The following LRIG1 variants were observed in gnomAD, a reference collection of about 807,000 sequenced individuals.
LRIG1 encodes the protein leucine rich repeats and immunoglobulin like domains 1.
LRIG1 carries 48 observed loss-of-function variants against 99.2 expected under a neutral mutation model. The ratio of observed to expected loss-of-function variants is 0.48; its 90% confidence interval spans 0.38 to 0.62. The LOEUF is 0.62. LRIG1 is among the 20% of genes least tolerant of loss of function. The probability of loss-of-function intolerance (pLI) is 0.00; values close to 1 mark genes in which losing one functional copy is unlikely to be tolerated. For missense variants in LRIG1, 1,646 were observed against 1,434.4 expected, an observed-to-expected ratio of 1.15 and a Z score of -2.38; for synonymous variants, 772 against 596.1, an observed-to-expected ratio of 1.29 and a Z score of -4.30.
chr3:66,383,492 A>C, intron 14 of LRIG1, 91 bp from the exon 15 acceptor site: 3 of 1,101,074 alleles, frequency 2.7e-6, no homozygotes, highest in Non-Finnish European at 3.9e-6. Flanking sequence ...AATCCAACAT[A>C]TCAATGAGAT....
chr3:66,417,007 G>A (rs1427302149), intron 4 of LRIG1, 122 bp downstream of exon 4: 15 of 1,339,266 alleles, frequency 1.1e-5, no homozygotes, highest in Non-Finnish European at 1.0e-6. Flanking sequence ...CACTGACTCG[G>A]CCCAGCCGTG....
chr3:66,464,517 A>AAAAAAC (rs1553723864), intron 1 of LRIG1, among the ~76,000 whole-genome samples: 1 of 151,304 alleles, frequency 6.6e-6, no homozygotes, highest in Admixed American at 6.6e-5. Flanking sequence ...AAAAAAAAAA[A>AAAAAAC]AAAACTGAAA....
At chr3:66,382,869 G>A (rs1701163219) in intron 15 of LRIG1, 113 bp downstream of exon 15, 1 of 927,950 alleles carries the variant, frequency 1.1e-6, no homozygotes, top group Admixed American at 2.8e-5. Context: ...TAAACCCTCA[G>A]GAGTTCTGAA....
chr3:66,395,850 A>G (rs9832741), intron 11 of LRIG1, among the ~76,000 whole-genome samples: 2 of 152,234 alleles, frequency 1.3e-5, no homozygotes, highest in Non-Finnish European at 2.9e-5. Flanking sequence ...CGCTGTCAGA[A>G]GCACCTCCAG....
At chr3:66,493,147 T>G (rs1160167868) in intron 1 of LRIG1, among the ~76,000 whole-genome samples, 4 of 152,122 alleles carry the variant, frequency 2.6e-5, no homozygotes, top group African/African-American at 9.7e-5. Flanking sequence ...AGCCCTAAAG[T>G]CTGTAACTTA....
chr3:66,488,130 T>C (rs1369641637), intron 1 of LRIG1, among the ~76,000 whole-genome samples: 1 of 152,116 alleles, frequency 6.6e-6, no homozygotes, highest in Non-Finnish European at 1.5e-5. Context: ...AAATTCCACG[T>C]CGAAGAAAAG....
rs531803723 is a variant in LRIG1 at position 66,417,617 on chromosome 3, A to G, written c.366-351T>C. On this transcript the variant is annotated intron_variant, in intron 3 of 18. Coordinates refer to ENST00000273261, the MANE Select transcript of LRIG1 (RefSeq NM_015541.3). ...TGTGCCCTGTCCTGTGCAGCCAGAC[A>G]GCTCCAGTCCAACTCTCACCCATCA... 4 of 216,590 alleles carry G rather than the reference A, an allele frequency of 1.8e-5. No individual in the cohort carries two copies. In the East Asian group the frequency reaches 4.8e-4, roughly 26 times the overall value. 13.4% of individuals were successfully genotyped at this position (216,590 alleles called of 1,614,324 possible).
At chr3:66,437,237 C>T (rs375133022) in intron 3 of LRIG1, among the ~76,000 whole-genome samples, 14 of 152,330 alleles carry the variant, frequency 9.2e-5, no homozygotes, top group African/African-American at 2.4e-4. Flanking sequence ...CTCAAACAAG[C>T]GAGCAGAGAC....
At chr3:66,413,388 T>C (rs1702528949) in intron 5 of LRIG1, among the ~76,000 whole-genome samples, 1 of 152,254 alleles carries the variant, frequency 6.6e-6, no homozygotes, top group Non-Finnish European at 1.5e-5. Flanking sequence ...GAATGTCTTA[T>C]GTGAGGTATC....
intron 12 of LRIG1, among the ~76,000 whole-genome samples, chr3:66,390,064 T>C (rs906131696): frequency 1.3e-5 from 2 of 152,152 alleles, no homozygotes; most frequent in Admixed American, 1.3e-4. Context: ...TGTCTCATGA[T>C]TTCCCACCAA....
chr3:66,401,977 C>G (rs1041889616), intron 9 of LRIG1, among the ~76,000 whole-genome samples: 1 of 152,248 alleles, frequency 6.6e-6, no homozygotes, highest in Admixed American at 6.5e-5. Context: ...TGTGCACTAG[C>G]CCCCGCTTCC....
chr3:66,500,168 G>T, intron 1 of LRIG1, 22 bp downstream of exon 1: 1 of 1,505,408 alleles, frequency 6.6e-7, no homozygotes, highest in Non-Finnish European at 8.9e-7. Flanking sequence ...GGCGCAGAGA[G>T]GGCGGAAAGG....
In LRIG1 at chr3:66,379,202, TACCCAGA is replaced by T. The variant is rs1700882385; in HGVS notation, c.*1054_*1060del. ...CTACCAGTCTCAAAAGTGCAAATTATACCCAGAACCCAGGTCAAGGGCTGTCCTTTCC... is the reference window on the plus strand; with the variant it reads ...CTACCAGTCTCAAAAGTGCAAATTATACCCAGGTCAAGGGCTGTCCTTTCC... On this transcript the variant is annotated 3_prime_UTR_variant, in exon 19 of 19. Transcript: ENST00000273261. 1 of 152,638 alleles carries T rather than the reference TACCCAGA, an allele frequency of 6.6e-6. No homozygotes were observed. The allele number at this position is 152,638 out of a possible 1,614,324, so 9.5% of individuals were successfully genotyped here. A position where few individuals can be genotyped will look rare whatever the true frequency, so the allele number is the denominator to read the frequency against.
intron 3 of LRIG1, among the ~76,000 whole-genome samples, chr3:66,437,336 C>A (rs1447589363): frequency 4.6e-5 from 7 of 152,240 alleles, no homozygotes; most frequent in African/African-American, 1.7e-4. Flanking sequence ...GCTGCTAGAA[C>A]ATGGCAGAAC....
At chr3:66,409,474 C>G (rs2106665286) in intron 7 of LRIG1, among the ~76,000 whole-genome samples, 1 of 152,346 alleles carries the variant, frequency 6.6e-6, no homozygotes, top group East Asian at 1.9e-4. Flanking sequence ...CAGTCTCAAC[C>G]TGGGACCCCT....
At chr3:66,493,218 C>A (rs555015564) in intron 1 of LRIG1, among the ~76,000 whole-genome samples, 1 of 152,216 alleles carries the variant, frequency 6.6e-6, no homozygotes, top group South Asian at 2.1e-4. Context: ...GTGCTACTTG[C>A]ACCTTGGTAG....
At chr3:66,384,615 A>G (rs1701272077) in intron 13 of LRIG1, among the ~76,000 whole-genome samples, 2 of 150,132 alleles carry the variant, frequency 1.3e-5, no homozygotes, top group African/African-American at 2.4e-5. Flanking sequence ...TTTACCCACC[A>G]AGAGAGAGGC....
chr3:66,382,921 T>C, intron 15 of LRIG1, 61 bp downstream of exon 15: 2 of 1,497,284 alleles, frequency 1.3e-6, no homozygotes, highest in South Asian at 1.3e-5. Flanking sequence ...CCCGGCCCAG[T>C]TCCCCAGCAT....
rs1026853252 is a variant in LRIG1, at chr3:66,405,134, A to G, written c.1160+64T>C. On this transcript the variant is annotated intron_variant, in intron 9 of 18. Coordinates refer to ENST00000273261, the MANE Select transcript of LRIG1 (RefSeq NM_015541.3). ...AGAGAGGCGCGGGGGGCGCCACAGAAACATCTCCCACCCAAGTGTGTCCCG... is the reference window on the plus strand; with the variant it reads ...AGAGAGGCGCGGGGGGCGCCACAGAGACATCTCCCACCCAAGTGTGTCCCG... The G allele has an allele frequency of 3.4e-6, 5 of 1,468,514 alleles. No homozygotes were observed. The African/African-American group carries it at 6.9e-5, about 20-fold the overall frequency. 91.0% of individuals were successfully genotyped at this position (1,468,514 alleles called of 1,614,324 possible).
Sources: gnomAD v4.1 joint callset for allele counts (sites outside exome capture counted in the v4.1 genomes callset) on GRCh38, gnomAD v4.1.1 for gene constraint, MANE v1.5 for transcripts, NCBI Gene and HGNC (gene_info 2026-07-23, HGNC 2026-07-21) for gene names.